KIAA1328: variants seen among roughly 807,000 people sequenced by gnomAD.
KIAA1328 encodes protein hinderin.
A neutral mutation model predicts 68.1 loss-of-function variants in KIAA1328; 52 were observed. That is an observed-to-expected ratio of 0.76 (90% confidence interval 0.61 to 0.96). The LOEUF (loss-of-function observed/expected upper bound fraction) is 0.96. KIAA1328 is among the 40% of genes least tolerant of loss of function. The pLI is 0.00. For synonymous variants in KIAA1328, 232 were observed against 239.4 expected (o/e 0.97, Z 0.28); for missense variants, 641 against 677.6 (o/e 0.95, Z 0.60).
chr18:36,855,586 C>T (rs2047355976), intron 4 of KIAA1328, among the ~76,000 whole-genome samples: 2 of 147,030 alleles, frequency 1.4e-5, no homozygotes, highest in East Asian at 2.0e-4. Context: ...TATTTTCTGC[C>T]AATTCTTTTG....
intron 7 of KIAA1328, among the ~76,000 whole-genome samples, chr18:37,077,500 A>C (rs2056783714): frequency 6.6e-6 from 1 of 150,540 alleles, no homozygotes; most frequent in Non-Finnish European, 1.5e-5. Flanking sequence ...AGGCAGGAGA[A>C]GGAAATAAAG....
intron 6 of KIAA1328, among the ~76,000 whole-genome samples, chr18:36,961,521 C>T (rs536175948): frequency 1.3e-5 from 2 of 152,180 alleles, no homozygotes; most frequent in Admixed American, 6.5e-5. Context: ...TTGTCAGATT[C>T]GCCAAGGATG....
intron 6 of KIAA1328, among the ~76,000 whole-genome samples, chr18:36,973,241 G>A (rs886578217): frequency 4.0e-5 from 6 of 151,766 alleles, no homozygotes; most frequent in Non-Finnish European, 4.4e-5. Context: ...ACCAAACTCC[G>A]CATGTTCTCA....
At chr18:37,213,332 T>C (rs1291712538) in intron 9 of KIAA1328, among the ~76,000 whole-genome samples, 3 of 152,090 alleles carry the variant, frequency 2.0e-5, no homozygotes, top group Admixed American at 2.0e-4. Context: ...GAGTGTGTGA[T>C]GTTCCCCGCT....
intron 7 of KIAA1328, among the ~76,000 whole-genome samples, chr18:37,100,524 G>A (rs2057575843): frequency 6.6e-6 from 1 of 152,190 alleles, no homozygotes; most frequent in South Asian, 2.1e-4. Context: ...GCGGCCAGGA[G>A]GCTCAAACTG....
At chr18:37,107,822 T>C (rs1038165822) in intron 7 of KIAA1328, among the ~76,000 whole-genome samples, 1 of 151,790 alleles carries the variant, frequency 6.6e-6, no homozygotes, top group African/African-American at 2.4e-5. Context: ...GTTTGACTTA[T>C]GAGATGCCAT....
At position 36,940,271 on chromosome 18, in the gene KIAA1328, A is replaced by G. The variant is rs116844129; in HGVS notation, c.449-19037A>G. 6.9e-3 allele frequency among the ~76,000 whole-genome samples: 1,053 copies of G among 152,328 alleles called. 7 individuals carry two copies. The highest frequency in any genetic ancestry group is 0.017 in the Middle Eastern group (5 of 294). On this transcript the variant is annotated intron_variant, in intron 5 of 9. Transcript: ENST00000280020. ...ACACGTTAATCACCTGAGCAGCTTG[A>G]TAAAATGCAGAATCGAATCCACATC...
chr18:37,119,532 G>A (rs958602182), intron 7 of KIAA1328, among the ~76,000 whole-genome samples: 3 of 152,140 alleles, frequency 2.0e-5, no homozygotes, highest in Admixed American at 2.0e-4. Flanking sequence ...GGCTGAGAGA[G>A]TAAGCAAGCA....
At chr18:36,969,999 A>G (rs374713700) in intron 6 of KIAA1328, among the ~76,000 whole-genome samples, 44 of 152,334 alleles carry the variant, frequency 2.9e-4, no homozygotes, top group African/African-American at 1.0e-3. Context: ...GCAGAGACAC[A>G]GCAAAAAATG....
Position 37,067,530 on chromosome 18 carries a change from G to A in KIAA1328, c.1217G>A (p.Arg406Gln), listed in dbSNP as rs181674796. ...AAACAGCAGCAGCTTCACCAGTCTC[G>A]ACTGGATTACAATTGGTGAGTACTG... ...LLKQQQLHQS[R>Q]LDYNCLLKSN... Residue 406 changes from arginine to glutamine, a missense_variant, in exon 7 of 10, where the codon CGA (arginine) becomes CAA (glutamine). Arg to Gln is a conservative substitution (Grantham distance 43). Coordinates refer to ENST00000280020, the MANE Select transcript of KIAA1328 (RefSeq NM_020776.3). 2.9e-5 allele frequency: 45 copies of A among 1,530,210 alleles called. No individual in the cohort carries two copies. The highest frequency in any genetic ancestry group is 1.4e-4 in the African/African-American group (10 of 72,396). 94.8% of individuals were successfully genotyped at this position (1,530,210 alleles called of 1,614,324 possible).
intron 7 of KIAA1328, among the ~76,000 whole-genome samples, chr18:37,124,149 G>A (rs529254953): frequency 6.6e-6 from 1 of 152,230 alleles, no homozygotes; most frequent in East Asian, 1.9e-4. Flanking sequence ...AAATACTAAG[G>A]TTGCAAAATG....
intron 5 of KIAA1328, among the ~76,000 whole-genome samples, chr18:36,886,714 GTGTGTGAAT>G (rs2048514543): frequency 6.6e-6 from 1 of 152,188 alleles, no homozygotes; most frequent in African/African-American, 2.4e-5. Flanking sequence ...AGCTAAACTA[GTGTGTGAAT>G]GCGTGAAACC....
chr18:36,979,323 T>G (rs534061460), intron 6 of KIAA1328, among the ~76,000 whole-genome samples: 1 of 152,278 alleles, frequency 6.6e-6, no homozygotes, highest in South Asian at 2.1e-4. Flanking sequence ...TAAACTGTGA[T>G]GATTATATGG....
chr18:36,953,373 TATAG>T (rs10617798), intron 5 of KIAA1328, among the ~76,000 whole-genome samples: 66,007 of 140,358 alleles, frequency 0.47, 15,792 homozygotes, highest in East Asian at 0.55. Context: ...TGCCAACAAC[TATAG>T]ATAGATAGAT....
At chr18:36,999,569 A>C (rs887424842) in intron 6 of KIAA1328, among the ~76,000 whole-genome samples, 5 of 152,214 alleles carry the variant, frequency 3.3e-5, no homozygotes, top group African/African-American at 1.2e-4. Context: ...CTAACAGTGG[A>C]TTTCTTAGCA....
intron 6 of KIAA1328, among the ~76,000 whole-genome samples, chr18:36,988,248 A>G (rs1568258325): frequency 6.6e-6 from 1 of 152,190 alleles, no homozygotes; most frequent in Non-Finnish European, 1.5e-5. Flanking sequence ...TTCGACTTTT[A>G]AATGTTTTTA....
chr18:37,060,913 C>A (rs1372352370), intron 6 of KIAA1328, among the ~76,000 whole-genome samples: 1 of 152,092 alleles, frequency 6.6e-6, no homozygotes, highest in Non-Finnish European at 1.5e-5. Flanking sequence ...GTCAGGAGAT[C>A]GAGACCATCC....
At chr18:37,024,959 T>C (rs978440819) in intron 6 of KIAA1328, among the ~76,000 whole-genome samples, 3 of 152,190 alleles carry the variant, frequency 2.0e-5, no homozygotes, top group Non-Finnish European at 4.4e-5. Flanking sequence ...CCACACTGTC[T>C]TCCACAGTGG....
intron 6 of KIAA1328, among the ~76,000 whole-genome samples, chr18:37,052,882 T>A (rs1006711241): frequency 6.6e-6 from 1 of 152,204 alleles, no homozygotes; most frequent in African/African-American, 2.4e-5. Flanking sequence ...TGCTCATTAA[T>A]GGGAAGAATC....
Sources: gnomAD v4.1 joint callset for allele counts (sites outside exome capture counted in the v4.1 genomes callset) on GRCh38, gnomAD v4.1.1 for gene constraint, MANE v1.5 for transcripts, NCBI Gene and HGNC (gene_info 2026-07-23, HGNC 2026-07-21) for gene names.